OR4N2: variants seen among roughly 807,000 people sequenced by gnomAD.
OR4N2 encodes olfactory receptor 4N2.
For synonymous variants in OR4N2, 141 were observed against 140.4 expected, an observed-to-expected ratio of 1.00 and a Z score of -0.03; for missense variants, 307 against 377.6, an observed-to-expected ratio of 0.81 and a Z score of 1.55.
chr14:19,815,106 A>G (rs1232719957), intron 1 of OR4N2, among the ~76,000 whole-genome samples: 1 of 152,242 alleles, frequency 6.6e-6, no homozygotes, highest in Non-Finnish European at 1.5e-5. Flanking sequence ...AGTCTTTGCT[A>G]TTGTGAACAG....
At chr14:19,813,105 G>A (rs1879342065) in intron 1 of OR4N2, among the ~76,000 whole-genome samples, 1 of 152,216 alleles carries the variant, frequency 6.6e-6, no homozygotes. Flanking sequence ...TGAACATTAA[G>A]AGGTGAGTAA....
chr14:19,820,447 C>G (rs1162154861), intron 1 of OR4N2, among the ~76,000 whole-genome samples: 1 of 152,250 alleles, frequency 6.6e-6, no homozygotes, highest in Non-Finnish European at 1.5e-5. Context: ...CCTCTAAACA[C>G]TGCATTAGCT....
At chr14:19,812,938 T>C (rs1292769047) in intron 1 of OR4N2, among the ~76,000 whole-genome samples, 1 of 152,248 alleles carries the variant, frequency 6.6e-6, no homozygotes, top group Non-Finnish European at 1.5e-5. Flanking sequence ...TATAATTTAA[T>C]AAAATACCAG....
intron 1 of OR4N2, among the ~76,000 whole-genome samples, chr14:19,820,012 A>C (rs1268736117): frequency 6.6e-6 from 1 of 152,266 alleles, no homozygotes; most frequent in Non-Finnish European, 1.5e-5. Context: ...TGTCATCAGC[A>C]AATGCTGCAG....
At chr14:19,808,994 A>G (rs1162554989) in intron 1 of OR4N2, among the ~76,000 whole-genome samples, 4 of 152,222 alleles carry the variant, frequency 2.6e-5, no homozygotes, top group Non-Finnish European at 5.9e-5. Flanking sequence ...CTCTTCAACA[A>G]GGCTGACAGA....
rs140674265 is a variant in OR4N2 at position 19,829,120 on chromosome 14, G to A, written c.*748G>A. ...AGAGGAAAATATTATATTTGTAAGT[G>A]CACTTTGAAAGATATTAAACTACCA... On this transcript the variant is annotated 3_prime_UTR_variant, in exon 2 of 2. Transcript: ENST00000557677. 28 of 152,342 alleles carry A rather than the reference G, an allele frequency of 1.8e-4. No individual in the cohort carries two copies. Among genetic ancestry groups the A allele is most frequent in the African/African-American group, 6.7e-4 (28 of 41,574 alleles). The allele number at this position is 152,342 out of a possible 1,614,324, so 9.4% of individuals were successfully genotyped here. A position where few individuals can be genotyped will look rare whatever the true frequency, so the allele number is the denominator to read the frequency against.
At chr14:19,810,219 G>T (rs946396939) in intron 1 of OR4N2, among the ~76,000 whole-genome samples, 12 of 152,222 alleles carry the variant, frequency 7.9e-5, no homozygotes, top group Non-Finnish European at 1.8e-4. Context: ...CCTACATGCA[G>T]CCAAGAAGCA....
chr14:19,810,138 C>A (rs1361551795), intron 1 of OR4N2, among the ~76,000 whole-genome samples: 1 of 152,192 alleles, frequency 6.6e-6, no homozygotes, highest in East Asian at 1.9e-4. Flanking sequence ...CTACAAGGAA[C>A]TTAAATTATC....
At chr14:19,825,853 C>T (rs1174078411) in intron 1 of OR4N2, among the ~76,000 whole-genome samples, 4 of 152,202 alleles carry the variant, frequency 2.6e-5, no homozygotes, top group Admixed American at 1.3e-4. Flanking sequence ...TCATCGTGCC[C>T]GGCCGCTAGA....
At chr14:19,825,401 C>T (rs1227626142) in intron 1 of OR4N2, among the ~76,000 whole-genome samples, 1 of 152,210 alleles carries the variant, frequency 6.6e-6, no homozygotes, top group Non-Finnish European at 1.5e-5. Flanking sequence ...TTTTGATTTT[C>T]TATTTCTCTC....
intron 1 of OR4N2, among the ~76,000 whole-genome samples, chr14:19,826,518 A>C (rs1879704163): frequency 6.6e-6 from 1 of 152,264 alleles, no homozygotes; most frequent in Non-Finnish European, 1.5e-5. Context: ...CTCATCTTTG[A>C]AATGGAAGAA....
rs533151842 is a variant in OR4N2 at position 19,827,770 on chromosome 14, G to A, written c.322G>A (p.Gly108Arg). The A allele has an allele frequency of 7.4e-5, 119 of 1,614,246 alleles. No homozygotes were observed. Among genetic ancestry groups the A allele is most frequent in the Admixed American group, 4.5e-4 (27 of 60,032 alleles). Residue 108 changes from glycine to arginine, a missense_variant, in exon 2 of 2, where the codon GGA becomes AGA. Transcript: ENST00000557677. ...TCAGCTCTTTTTCTTGCACTTCCTT[G>A]GAGGAGGGGAGGGATTACTCCTTGT... ...ITQLFFLHFL[G>R]GGEGLLLVVM...
intron 1 of OR4N2, chr14:19,822,533 C>G (rs779269153): frequency 3.3e-5 from 5 of 152,216 alleles, no homozygotes; most frequent in Non-Finnish European, 5.9e-5. Flanking sequence ...CAAAAAAAAG[C>G]TTGATATACA....
In OR4N2 at chr14:19,829,473, G is replaced by A. The variant is rs1396381178; in HGVS notation, c.*1101G>A. 2 of 152,284 alleles carry A rather than the reference G, an allele frequency of 1.3e-5. No homozygotes were observed. Among genetic ancestry groups the A allele is most frequent in the Non-Finnish European group, 2.9e-5 (2 of 68,046 alleles). The allele number at this position is 152,284 out of a possible 1,614,324, so 9.4% of individuals were successfully genotyped here. A position where few individuals can be genotyped will look rare whatever the true frequency, so the allele number is the denominator to read the frequency against. On this transcript the variant is annotated 3_prime_UTR_variant, in exon 2 of 2. Coordinates refer to ENST00000557677, the MANE Select transcript of OR4N2 (RefSeq NM_001004723.3). ...TAAAAGAGAAGACTATAGGCTGGAC[G>A]TCCAGAGATGCCTTACAGACTAACA... is the stretch of plus-strand genomic sequence containing the variant.
rs1879786081 is a variant in OR4N2 at position 19,828,469 on chromosome 14, C to T, written c.*97C>T. ...AAGTACTGCAATCACTGAGTACCTCCCATTTGTCAGGACTATTCTGGGAAC... is the reference window on the plus strand; with the variant it reads ...AAGTACTGCAATCACTGAGTACCTCTCATTTGTCAGGACTATTCTGGGAAC... On this transcript the variant is annotated 3_prime_UTR_variant, in exon 2 of 2. Transcript: ENST00000557677. 1 of 1,204,904 alleles carries T rather than the reference C, an allele frequency of 8.3e-7. No homozygotes were observed. The highest frequency in any genetic ancestry group is 2.7e-5 in the Admixed American group (1 of 36,592). 74.6% of individuals were successfully genotyped at this position (1,204,904 alleles called of 1,614,324 possible).
At chr14:19,820,701 A>C (rs563604973) in intron 1 of OR4N2, among the ~76,000 whole-genome samples, 1 of 152,224 alleles carries the variant, frequency 6.6e-6, no homozygotes, top group Non-Finnish European at 1.5e-5. Flanking sequence ...TGCCCAGTTC[A>C]AACTTCCTGG....
At chr14:19,824,960 C>T (rs1199927109) in intron 1 of OR4N2, among the ~76,000 whole-genome samples, 2 of 152,252 alleles carry the variant, frequency 1.3e-5, no homozygotes, top group Non-Finnish European at 2.9e-5. Context: ...TTAACTCCTG[C>T]ATTGTTCAAG....
At chr14:19,804,765 C>A (rs1202758333) in intron 1 of OR4N2, among the ~76,000 whole-genome samples, 1 of 152,182 alleles carries the variant, frequency 6.6e-6, no homozygotes, top group Non-Finnish European at 1.5e-5. Flanking sequence ...CATTTTCTAT[C>A]TCAATGCTCT....
chr14:19,812,502 TTGTTTG>T (rs146694840), intron 1 of OR4N2, among the ~76,000 whole-genome samples: 9,960 of 142,480 alleles, frequency 0.07, 88 homozygotes, highest in East Asian at 0.18. Flanking sequence ...GATAATTTTT[TTGTTTG>T]TTTGTTTGTT....
Sources: allele counts gnomAD v4.1 joint callset (sites outside exome capture counted in the v4.1 genomes callset), GRCh38; gene constraint gnomAD v4.1.1; transcripts MANE v1.5; gene names NCBI Gene and HGNC (gene_info 2026-07-23, HGNC 2026-07-21).